PTK2: variants seen among roughly 807,000 people sequenced by gnomAD.
PTK2 encodes the protein focal adhesion kinase 1.
In PTK2, 45 loss-of-function variants were observed where a neutral mutation model predicts 150.1. The observed-to-expected ratio is 0.30, with a 90% CI of 0.24 to 0.38. The LOEUF (loss-of-function observed/expected upper bound fraction) is 0.38. PTK2 is among the 10% of genes least tolerant of loss of function. The pLI, the probability that PTK2 is intolerant of heterozygous loss-of-function variation, is 1.00. For synonymous variants in PTK2, 432 were observed against 449.2 expected (o/e 0.96, Z 0.48); for missense variants, 919 against 1,307.3 (o/e 0.70, Z 4.58).
intron 1 of PTK2, among the ~76,000 whole-genome samples, chr8:140,931,281 TAC>T (rs569052407): frequency 3.5e-4 from 53 of 152,286 alleles, no homozygotes; most frequent in African/African-American, 1.2e-3. Flanking sequence ...CATATGCAAA[TAC>T]AGTTTCTTTT....
At chr8:140,846,277 A>G in exon 7 of PTK2, 1 of 1,611,970 alleles carries the variant, frequency 6.2e-7, no homozygotes, top group South Asian at 1.1e-5. Flanking sequence ...CTTCATAGTT[A>G]GACTTCTTTT....
At chr8:140,887,152 G>A (rs1221081575) in intron 3 of PTK2, among the ~76,000 whole-genome samples, 2 of 152,168 alleles carry the variant, frequency 1.3e-5, no homozygotes, top group African/African-American at 4.8e-5. Context: ...CTGACAAGGT[G>A]TACCTGATTT....
intron 1 of PTK2, among the ~76,000 whole-genome samples, chr8:140,955,059 C>T (rs1487926250): frequency 6.6e-6 from 1 of 152,206 alleles, no homozygotes; most frequent in Non-Finnish European, 1.5e-5. Context: ...AAAACATCAA[C>T]AGGCATAATT....
chr8:140,816,533 G>A (rs2100104817), intron 10 of PTK2, among the ~76,000 whole-genome samples: 1 of 151,964 alleles, frequency 6.6e-6, no homozygotes, highest in Non-Finnish European at 1.5e-5. Flanking sequence ...AGAGATTTGG[G>A]GAAAAAAATC....
chr8:140,772,557 A>G (rs1412160201), intron 14 of PTK2, among the ~76,000 whole-genome samples: 1 of 152,238 alleles, frequency 6.6e-6, no homozygotes, highest in Non-Finnish European at 1.5e-5. Context: ...TAGACTGCGG[A>G]TAAGAGCATT....
intron 15 of PTK2, among the ~76,000 whole-genome samples, chr8:140,763,314 T>C (rs2100070379): frequency 6.6e-6 from 1 of 152,172 alleles, no homozygotes; most frequent in Non-Finnish European, 1.5e-5. Flanking sequence ...TTTACAAGAA[T>C]ATTTATACTA....
chr8:140,921,624 G>A (rs976663726), intron 2 of PTK2, among the ~76,000 whole-genome samples: 3 of 152,086 alleles, frequency 2.0e-5, no homozygotes, highest in Non-Finnish European at 2.9e-5. Context: ...GTCATAGTAA[G>A]TGTATAAATT....
chr8:140,815,748 T>A (rs1378824596), intron 10 of PTK2, among the ~76,000 whole-genome samples: 1 of 152,112 alleles, frequency 6.6e-6, no homozygotes, highest in Non-Finnish European at 1.5e-5. Flanking sequence ...ATTGGCTCAA[T>A]ATTATCATAA....
intron 23 of PTK2, among the ~76,000 whole-genome samples, chr8:140,715,155 GTTTTTTTTTTTTTTTTTTTTTTTT>G (rs67306225): frequency 1.8e-5 from 1 of 56,012 alleles, no homozygotes; most frequent in Non-Finnish European, 3.4e-5. Context: ...CATTAAAACC[GTTTTTTTTTTTTTTTTTTTTTTTT>G]TTTTTTTTTT....
chr8:140,830,855 A>G (rs182467690), intron 7 of PTK2, among the ~76,000 whole-genome samples: 120 of 152,280 alleles, frequency 7.9e-4, no homozygotes, highest in Admixed American at 7.0e-3. Context: ...CCTTTTTCAG[A>G]TATTTCTTGA....
At chr8:140,861,982 A>G (rs1247168937) in intron 5 of PTK2, among the ~76,000 whole-genome samples, 3 of 152,208 alleles carry the variant, frequency 2.0e-5, no homozygotes, top group African/African-American at 7.2e-5. Flanking sequence ...TGAATTCTAT[A>G]GACTACCATA....
intron 5 of PTK2, among the ~76,000 whole-genome samples, chr8:140,860,956 T>G (rs776214719): frequency 8.5e-5 from 13 of 152,246 alleles, no homozygotes; most frequent in Non-Finnish European, 1.9e-4. Flanking sequence ...ATGTACTTGA[T>G]AAACTATTAC....
At chr8:140,846,422 A>G in intron 6 of PTK2, 100 bp from the exon 7 acceptor site, 1 of 1,275,216 alleles carries the variant, frequency 7.8e-7, no homozygotes, top group Non-Finnish European at 1.1e-6. Context: ...AATAAACAAA[A>G]ATTAACAGCA....
At chr8:140,944,246 C>T (rs2100176881) in intron 1 of PTK2, among the ~76,000 whole-genome samples, 1 of 152,174 alleles carries the variant, frequency 6.6e-6, no homozygotes, top group Non-Finnish European at 1.5e-5. Flanking sequence ...GCCAGCAACA[C>T]AGATGATTAA....
At chr8:140,927,684 G>A (rs2100169980) in intron 1 of PTK2, among the ~76,000 whole-genome samples, 1 of 151,978 alleles carries the variant, frequency 6.6e-6, no homozygotes, top group Non-Finnish European at 1.5e-5. Context: ...GGCCAGGCGA[G>A]GTGGCTCATG....
In PTK2 at chr8:140,702,498, G is replaced by C. The variant is rs562774924; in HGVS notation, c.2367+72C>G. 47 of 1,546,576 alleles carry C rather than the reference G, an allele frequency of 3.0e-5. No individual in the cohort carries two copies. In the South Asian group the frequency reaches 5.4e-4, roughly 18 times the overall value. On this transcript the variant is annotated intron_variant, in intron 25 of 31. Coordinates refer to ENST00000522684, the Ensembl canonical transcript of PTK2. ...CCTCCCAAAAGTGCTAGGATTACAA[G>C]TGTAAGCCACCATGCCCAGCTTTGC... is the stretch of plus-strand genomic sequence containing the variant.
chr8:140,735,438 T>C lies in PTK2; in HGVS notation c.1843A>G (p.Ile615Val), dbSNP rs763526111. The stretch of plus-strand genomic sequence containing the variant: ...AAAGGCTTCACACCATGCATCAGTA[T>C]CTCCCACATACACACACCTGTCAAG... Residue 615 changes from isoleucine to valine, a missense_variant, in exon 22 of 32, where the codon ATA (isoleucine) becomes GTA (valine). By Grantham distance (29) the Ile-to-Val change is conservative. Coordinates refer to ENST00000522684, the Ensembl canonical transcript of PTK2. The C allele has an allele frequency of 3.7e-6, 6 of 1,613,958 alleles. No individual in the cohort carries two copies. In the South Asian group the frequency reaches 6.6e-5, roughly 18 times the overall value.
At chr8:140,938,054 A>T (rs2100174312) in intron 1 of PTK2, among the ~76,000 whole-genome samples, 1 of 152,240 alleles carries the variant, frequency 6.6e-6, no homozygotes, top group Non-Finnish European at 1.5e-5. Context: ...TAAGAAGACA[A>T]CACAACCTCC....
rs539781370 is a variant in PTK2 at position 140,714,456 on chromosome 8, A to T, written c.2142+3142T>A. Among the ~76,000 whole-genome samples the T allele has an allele frequency of 9.5e-4, 141 of 148,414 alleles. 1 individual carries two copies. Among genetic ancestry groups the T allele is most frequent in the African/African-American group, 2.8e-3 (113 of 40,530 alleles). ...ACATAGTAAGACCCCATCTTTATTT[A>T]AAAAAAAAAGAAAGAAAGGAAGGAA... On this transcript the variant is annotated intron_variant, in intron 23 of 31. Transcript: ENST00000522684.
Sources: allele counts gnomAD v4.1 joint callset (sites outside exome capture counted in the v4.1 genomes callset), GRCh38; gene constraint gnomAD v4.1.1; transcripts MANE v1.5; gene names NCBI Gene and HGNC (gene_info 2026-07-23, HGNC 2026-07-21).